Variants in DUSP19 observed in about 807,000 individuals in gnomAD.
DUSP19 encodes dual specificity phosphatase 19.
In DUSP19, 14 loss-of-function variants were observed where a neutral mutation model predicts 16.6. The observed-to-expected ratio is 0.84, with a 90% confidence interval of 0.56 to 1.32. The LOEUF is 1.32. Ranked by LOEUF, DUSP19 falls within the 40% of genes most tolerant of loss-of-function variation. DUSP19 has a pLI of 0.00. For synonymous variants in DUSP19, 81 were observed against 90.5 expected (o/e 0.90, Z 0.59); for missense variants, 258 against 255.9 (o/e 1.01, Z -0.06).
rs1699814269 is a variant in DUSP19 at position 183,097,112 on chromosome 2, A to G, written c.*1454A>G. On this transcript the variant is annotated 3_prime_UTR_variant, in exon 4 of 4. Transcript: ENST00000354221. The stretch of plus-strand genomic sequence containing the variant: ...ATGAACACAACGCACTGCAGCCTCT[A>G]CCTCCTGGGCTCAAGCAGTCCTCCC... 6.7e-6 allele frequency: 1 copy of G among 148,802 alleles called. No individual in the cohort carries two copies. The highest frequency in any genetic ancestry group is 2.5e-5 in the African/African-American group (1 of 40,132). The allele number at this position is 148,802 out of a possible 1,614,324, so 9.2% of individuals were successfully genotyped here.
intron 3 of DUSP19, among the ~76,000 whole-genome samples, chr2:183,093,348 C>T (rs944554299): frequency 6.6e-6 from 1 of 152,134 alleles, no homozygotes; most frequent in Non-Finnish European, 1.5e-5. Context: ...AAGAATTGCA[C>T]TAAATACTAG....
At chr2:183,082,795 TTTCCC>T (rs1374789955) in intron 1 of DUSP19, among the ~76,000 whole-genome samples, 1 of 152,034 alleles carries the variant, frequency 6.6e-6, no homozygotes, top group Non-Finnish European at 1.5e-5. Context: ...TCTCCCTCTC[TTTCCC>T]TTCCCTTTTG....
intron 3 of DUSP19, among the ~76,000 whole-genome samples, chr2:183,091,871 GACCCTATT>G (rs1699736096): frequency 6.6e-6 from 1 of 152,164 alleles, no homozygotes. Flanking sequence ...CCTGCCACCA[GACCCTATT>G]CTCTTGCTTT....
chr2:183,098,429 C>T lies in DUSP19; in HGVS notation c.*2771C>T, dbSNP rs997267312. 1 of 152,144 alleles carries T rather than the reference C, an allele frequency of 6.6e-6. No homozygotes were observed. Among genetic ancestry groups the T allele is most frequent in the African/African-American group, 2.4e-5 (1 of 41,420 alleles). The allele number at this position is 152,144 out of a possible 1,614,324, so 9.4% of individuals were successfully genotyped here. On this transcript the variant is annotated 3_prime_UTR_variant, in exon 4 of 4. Transcript: ENST00000354221. ...TATATACTATACAATATGTTTATTG[C>T]ACTTCCCATGGGGATAAATCACTCT... is the stretch of plus-strand genomic sequence containing the variant.
At chr2:183,085,636 A>G (rs1024641649) in intron 2 of DUSP19, among the ~76,000 whole-genome samples, 2 of 151,362 alleles carry the variant, frequency 1.3e-5, no homozygotes, top group African/African-American at 4.9e-5. Flanking sequence ...GGGAGGGGAG[A>G]GCTTTGAGCA....
rs1209347789 is a variant in DUSP19 at position 183,097,945 on chromosome 2, G to A, written c.*2287G>A. On this transcript the variant is annotated 3_prime_UTR_variant, in exon 4 of 4. Coordinates refer to ENST00000354221, the MANE Select transcript of DUSP19 (RefSeq NM_080876.4). ...TTGCTCTTATTGCCCAGGCTGGAGTGCAGTGGCGTGATCTTGGCTCACTGC... is the reference window on the plus strand; with the variant it reads ...TTGCTCTTATTGCCCAGGCTGGAGTACAGTGGCGTGATCTTGGCTCACTGC... 1 of 152,188 alleles carries A rather than the reference G, an allele frequency of 6.6e-6. No homozygotes were observed. Among genetic ancestry groups the A allele is most frequent in the Non-Finnish European group, 1.5e-5 (1 of 68,070 alleles). The allele number at this position is 152,188 out of a possible 1,614,324, so 9.4% of individuals were successfully genotyped here.
At position 183,096,749 on chromosome 2, in the gene DUSP19, G is replaced by T. The variant is rs1377788350; in HGVS notation, c.*1091G>T. The T allele has an allele frequency of 6.6e-6, 1 of 151,946 alleles. No homozygotes were observed. Among genetic ancestry groups the T allele is most frequent in the Non-Finnish European group, 1.5e-5 (1 of 67,952 alleles). 9.4% of individuals were successfully genotyped at this position (151,946 alleles called of 1,614,324 possible). On this transcript the variant is annotated 3_prime_UTR_variant, in exon 4 of 4. Transcript: ENST00000354221. ...AAATGTTTGATACTGCAAGATCATT[G>T]TTTAGTGGTCTGTTTTCTACTTCAG...
intron 1 of DUSP19, 170 bp from the exon 2 acceptor site, chr2:183,083,338 C>G (rs766994535): frequency 5.5e-6 from 3 of 546,910 alleles, no homozygotes; most frequent in Admixed American, 3.5e-5. Context: ...TTTCAGAGTC[C>G]AGGAGTTTAT....
intron 1 of DUSP19, 27 bp downstream of exon 1, chr2:183,079,186 C>G: frequency 6.3e-7 from 1 of 1,593,308 alleles, no homozygotes; most frequent in East Asian, 2.2e-5. Flanking sequence ...GCCACTAGAT[C>G]ATTGAGTCCT....
intron 3 of DUSP19, among the ~76,000 whole-genome samples, chr2:183,092,042 G>T (rs925012737): frequency 5.3e-5 from 8 of 152,156 alleles, no homozygotes; most frequent in African/African-American, 1.7e-4. Context: ...ACCTCTGCAG[G>T]ATAAGAAGGT....
chr2:183,096,175 C>T lies in DUSP19; in HGVS notation c.*517C>T, dbSNP rs1223223202. The T allele has an allele frequency of 6.6e-6, 1 of 151,372 alleles. No homozygotes were observed. The highest frequency in any genetic ancestry group is 1.5e-5 in the Non-Finnish European group (1 of 67,880). 9.4% of individuals were successfully genotyped at this position (151,372 alleles called of 1,614,324 possible). Reference sequence around the variant, plus strand: ...TTATACAATATTTACACAGTGGCTACAATATTCACAAAATTCTTATGTTCT... The same window carrying T: ...TTATACAATATTTACACAGTGGCTATAATATTCACAAAATTCTTATGTTCT... On this transcript the variant is annotated 3_prime_UTR_variant, in exon 4 of 4. Coordinates refer to ENST00000354221, the MANE Select transcript of DUSP19 (RefSeq NM_080876.4).
At chr2:183,094,753 G>C (rs1699776089) in intron 3 of DUSP19, among the ~76,000 whole-genome samples, 2 of 152,122 alleles carry the variant, frequency 1.3e-5, no homozygotes, top group African/African-American at 4.8e-5. Context: ...ATATTTTTAA[G>C]TAACTTTCTG....
chr2:183,083,268 A>G (rs1559127399), intron 1 of DUSP19: 1 of 413,340 alleles, frequency 2.4e-6, no homozygotes, highest in African/African-American at 2.0e-5. Context: ...TATGGTGAAC[A>G]TCCTTACAGC....
At position 183,096,382 on chromosome 2, in the gene DUSP19, G is replaced by A. The variant is rs1699802674; in HGVS notation, c.*724G>A. On this transcript the variant is annotated 3_prime_UTR_variant, in exon 4 of 4. Coordinates refer to ENST00000354221, the MANE Select transcript of DUSP19 (RefSeq NM_080876.4). ...CTCCCATATAGCTGGGATTATAGGTGCCTGCCACCATGCCCAGCTAATTTT... is the reference window on the plus strand; with the variant it reads ...CTCCCATATAGCTGGGATTATAGGTACCTGCCACCATGCCCAGCTAATTTT... 2 of 151,818 alleles carry A rather than the reference G, an allele frequency of 1.3e-5. No homozygotes were observed. The highest frequency in any genetic ancestry group is 4.2e-4 in the South Asian group (2 of 4,794). The allele number at this position is 151,818 out of a possible 1,614,324, so 9.4% of individuals were successfully genotyped here.
At chr2:183,083,675 A>G in intron 2 of DUSP19, 121 bp downstream of exon 2, 1 of 719,434 alleles carries the variant, frequency 1.4e-6, no homozygotes, top group East Asian at 3.0e-5. Context: ...CATTTTGGCT[A>G]TCATTTCAAT....
intron 3 of DUSP19, among the ~76,000 whole-genome samples, chr2:183,094,719 C>T (rs908723825): frequency 1.3e-5 from 2 of 152,154 alleles, no homozygotes; most frequent in Non-Finnish European, 2.9e-5. Context: ...ATTTGTGTCA[C>T]ATTTTACTAC....
chr2:183,085,847 GTTTTTTTTTTTTTTTTT>G lies in DUSP19; in HGVS notation c.274-1173_274-1157del, dbSNP rs71008261. 3.5e-4 allele frequency among the ~76,000 whole-genome samples: 18 copies of G among 50,922 alleles called. No individual in the cohort carries two copies. In the East Asian group the frequency reaches 0.01, roughly 29 times the overall value. The allele number at this position is 50,922 out of a possible 152,430, so 33.4% of individuals were successfully genotyped here. Reference sequence around the variant, plus strand: ...GTACAGATGTGGACAAGGTTGTTAGGTTTTTTTTTTTTTTTTTTTTTTTTTTTTTTTTTTTTGAGGCA... The same window carrying G: ...GTACAGATGTGGACAAGGTTGTTAGGTTTTTTTTTTTTTTTTTTTGAGGCA... On this transcript the variant is annotated intron_variant, in intron 2 of 3. Transcript: ENST00000354221.
At position 183,097,703 on chromosome 2, in the gene DUSP19, G is replaced by C. The variant is rs1699821272; in HGVS notation, c.*2045G>C. The C allele has an allele frequency of 3.3e-5, 5 of 152,094 alleles. No individual in the cohort carries two copies. Among genetic ancestry groups the C allele is most frequent in the Admixed American group, 3.3e-4 (5 of 15,284 alleles). The allele number at this position is 152,094 out of a possible 1,614,324, so 9.4% of individuals were successfully genotyped here. On this transcript the variant is annotated 3_prime_UTR_variant, in exon 4 of 4. Transcript: ENST00000354221. ...CTCTTAAATATGAGACTGATGTATA[G>C]GTTCTCTCTATGGTCAGTATCACTG...
chr2:183,096,810 G>C lies in DUSP19; in HGVS notation c.*1152G>C, dbSNP rs1699808734. 6.6e-6 allele frequency: 1 copy of C among 152,182 alleles called. No individual in the cohort carries two copies. Among genetic ancestry groups the C allele is most frequent in the South Asian group, 2.1e-4 (1 of 4,816 alleles). The allele number at this position is 152,182 out of a possible 1,614,324, so 9.4% of individuals were successfully genotyped here. A position where few individuals can be genotyped will look rare whatever the true frequency, so the allele number is the denominator to read the frequency against. On this transcript the variant is annotated 3_prime_UTR_variant, in exon 4 of 4. Coordinates refer to ENST00000354221, the MANE Select transcript of DUSP19 (RefSeq NM_080876.4). Reference sequence around the variant, plus strand: ...GAGAACATATTTTTTAGGGGAGAAGGGTTATGGTTTTGTAAGAAACTTTAA... The same window carrying C: ...GAGAACATATTTTTTAGGGGAGAAGCGTTATGGTTTTGTAAGAAACTTTAA...
Sources: allele counts gnomAD v4.1 joint callset (sites outside exome capture counted in the v4.1 genomes callset), GRCh38; gene constraint gnomAD v4.1.1; transcripts MANE v1.5; gene names NCBI Gene and HGNC (gene_info 2026-07-23, HGNC 2026-07-21).